Variants in CD46 observed in about 807,000 individuals in gnomAD.
CD46 encodes membrane cofactor protein.
CD46 carries 30 observed loss-of-function variants against 53.3 expected under a neutral mutation model. The ratio of observed to expected loss-of-function variants is 0.56; its 90% CI spans 0.42 to 0.76. The LOEUF (loss-of-function observed/expected upper bound fraction) is 0.76. CD46 is among the 30% of genes least tolerant of loss of function. The probability of loss-of-function intolerance (pLI) is 0.00; values close to 1 mark genes in which losing one functional copy is unlikely to be tolerated. For synonymous variants in CD46, 142 were observed against 152.0 expected, an observed-to-expected ratio of 0.93 and a Z score of 0.48; for missense variants, 409 against 463.0, an observed-to-expected ratio of 0.88 and a Z score of 1.07.
At chr1:207,760,817 C>T (rs546169760) in intron 4 of CD46, 20 of 172,230 alleles carry the variant, frequency 1.2e-4, no homozygotes, top group Admixed American at 2.3e-4. Flanking sequence ...GTGGGGAGGA[C>T]GGGAGGTGTT....
intron 8 of CD46, among the ~76,000 whole-genome samples, chr1:207,773,154 C>A (rs2724370): frequency 6.6e-6 from 1 of 151,938 alleles, no homozygotes; most frequent in Non-Finnish European, 1.5e-5. Context: ...GGAATTTATC[C>A]ATTGCTTCTA....
intron 5 of CD46, chr1:207,762,577 C>G (rs553027151): frequency 5.9e-5 from 9 of 152,262 alleles, no homozygotes; most frequent in African/African-American, 2.2e-4. Flanking sequence ...GGTGGCCAGG[C>G]GCGGCACCCC....
At chr1:207,771,086 C>T (rs906289771) in intron 8 of CD46, among the ~76,000 whole-genome samples, 22 of 152,158 alleles carry the variant, frequency 1.4e-4, no homozygotes, top group African/African-American at 5.1e-4. Flanking sequence ...TTTTAATAAT[C>T]GCCAATCTAA....
At chr1:207,772,071 G>A (rs780584371) in intron 8 of CD46, among the ~76,000 whole-genome samples, 5 of 151,986 alleles carry the variant, frequency 3.3e-5, no homozygotes, top group Admixed American at 6.5e-5. Context: ...CTTTTATTTC[G>A]TTGAGCAGTG....
At chr1:207,774,716 T>C (rs35118522) in intron 8 of CD46, among the ~76,000 whole-genome samples, 14,308 of 152,292 alleles carry the variant, frequency 0.094, 920 homozygotes, top group Admixed American at 0.17. Flanking sequence ...TGGCCCCCAT[T>C]CTTTTAAGGC....
At chr1:207,757,347 A>G (rs569065447) in intron 2 of CD46, 145 bp downstream of exon 2, 3 of 902,542 alleles carry the variant, frequency 3.3e-6, no homozygotes, top group Admixed American at 2.1e-5. Context: ...GCTTTGAGAA[A>G]TCAAAATCTC....
intron 11 of CD46, among the ~76,000 whole-genome samples, chr1:207,788,874 G>A (rs1659532567): frequency 6.6e-6 from 1 of 152,190 alleles, no homozygotes; most frequent in African/African-American, 2.4e-5. Flanking sequence ...GATAAAAAGT[G>A]GGCAAAAGGT....
intron 8 of CD46, 112 bp from the exon 9 acceptor site, chr1:207,783,180 T>G: frequency 1.7e-6 from 1 of 573,420 alleles, no homozygotes; most frequent in Non-Finnish European, 3.1e-6. Context: ...TTTTAAGGGA[T>G]TTTCTACAAA....
chr1:207,757,280 G>A lies in CD46; in HGVS notation c.286+78G>A, dbSNP rs1031383621. 28 of 1,247,006 alleles carry A rather than the reference G, an allele frequency of 2.2e-5. No individual in the cohort carries two copies. The African/African-American group carries it at 3.6e-4, about 16-fold the overall frequency. 77.2% of individuals were successfully genotyped at this position (1,247,006 alleles called of 1,614,324 possible). On this transcript the variant is annotated intron_variant, in intron 2 of 12. Coordinates refer to ENST00000367042, the MANE Select transcript of CD46 (RefSeq NM_172351.3). ...ATTTTGGGGTACATATTCCACTACG[G>A]TGATGATGATTTTCTTCTTGTAAAA...
chr1:207,792,448 G>T (rs966548830), intron 12 of CD46, among the ~76,000 whole-genome samples: 5 of 152,136 alleles, frequency 3.3e-5, no homozygotes, highest in Non-Finnish European at 7.4e-5. Flanking sequence ...CGGCAAAGAA[G>T]AACCAACCCG....
At chr1:207,757,794 G>A (rs1018763938) in intron 3 of CD46, 152 bp downstream of exon 3, 1 of 665,968 alleles carries the variant, frequency 1.5e-6, no homozygotes, top group Non-Finnish European at 2.7e-6. Context: ...TATGGAGATA[G>A]GCAAGATATA....
rs753624532 is a variant in CD46, at chr1:207,761,323, CT to C, written c.552del (p.Asp185MetfsTer3). 6.2e-7 allele frequency: 1 copy of C among 1,613,130 alleles called. No individual in the cohort carries two copies. The highest frequency in any genetic ancestry group is 1.1e-5 in the South Asian group (1 of 91,074). On this transcript the variant is annotated frameshift_variant, in exon 5 of 13. Transcript: ENST00000367042. LOFTEE classifies it high-confidence loss of function. ...TFSEVEVFEY[L>X]DAVTYSCDPA... ...TAGTGAAGTAGAAGTATTTGAGTAT[CT>C]TGATGCAGTAACTTATAGTTGTGAT...
chr1:207,763,936 AAC>A (rs1656543319), intron 5 of CD46, among the ~76,000 whole-genome samples: 1 of 149,332 alleles, frequency 6.7e-6, no homozygotes, highest in South Asian at 2.2e-4. Context: ...AAGTGGGGAA[AAC>A]ACACACAGCT....
Position 207,761,008 on chromosome 1 carries a change from A to C in CD46, c.476-241A>C. On this transcript the variant is annotated intron_variant, in intron 4 of 12. Coordinates refer to ENST00000367042, the MANE Select transcript of CD46 (RefSeq NM_172351.3). ...CGATTTGGTGGGGACACAGATCCAAACCATATCAATAGGTATTTACACTTT... is the reference window on the plus strand; with the variant it reads ...CGATTTGGTGGGGACACAGATCCAACCCATATCAATAGGTATTTACACTTT... 1.2e-5 allele frequency: 6 copies of C among 486,928 alleles called. No homozygotes were observed. In the South Asian group the frequency reaches 1.3e-4, roughly 10 times the overall value. 30.2% of individuals were successfully genotyped at this position (486,928 alleles called of 1,614,324 possible).
chr1:207,763,972 T>G (rs959092370), intron 5 of CD46, among the ~76,000 whole-genome samples: 1 of 133,310 alleles, frequency 7.5e-6, no homozygotes, highest in Non-Finnish European at 1.6e-5. Flanking sequence ...TTTTTTTTTT[T>G]GTCATTGGAA....
chr1:207,760,398 T>G (rs1300572431), intron 4 of CD46: 1 of 152,234 alleles, frequency 6.6e-6, no homozygotes, highest in African/African-American at 2.4e-5. Flanking sequence ...TATATTCTTA[T>G]TAGGATCAGA....
chr1:207,771,102 G>A (rs564427574), intron 8 of CD46, among the ~76,000 whole-genome samples: 9 of 152,298 alleles, frequency 5.9e-5, no homozygotes, highest in Admixed American at 2.0e-4. Context: ...TCTAACTGGC[G>A]TGAGTGGTAT....
At position 207,770,249 on chromosome 1, in the gene CD46, A is replaced by G. The variant is rs900665815; in HGVS notation, c.902-72A>G. ...CATTTGATAAACTTAAAAAATCAAT[A>G]TCAAAATTAAAGTCATAATTTTATA... On this transcript the variant is annotated intron_variant, in intron 7 of 12. Coordinates refer to ENST00000367042, the MANE Select transcript of CD46 (RefSeq NM_172351.3). 7.9e-5 allele frequency: 86 copies of G among 1,091,292 alleles called. 1 individual carries two copies. The highest frequency in any genetic ancestry group is 1.1e-4 in the Non-Finnish European group (78 of 714,958). The allele number at this position is 1,091,292 out of a possible 1,614,324, so 67.6% of individuals were successfully genotyped here.
intron 1 of CD46, among the ~76,000 whole-genome samples, chr1:207,756,102 G>T (rs575261717): frequency 2.0e-5 from 3 of 152,240 alleles, no homozygotes; most frequent in Admixed American, 2.0e-4. Flanking sequence ...GGAGATGATG[G>T]GTGGATTAAG....
Sources: allele counts gnomAD v4.1 joint callset (sites outside exome capture counted in the v4.1 genomes callset), GRCh38; gene constraint gnomAD v4.1.1; transcripts MANE v1.5; gene names NCBI Gene and HGNC (gene_info 2026-07-23, HGNC 2026-07-21).